Variants in CNTNAP4 observed in about 807,000 individuals in gnomAD.
The protein encoded by CNTNAP4 is contactin-associated protein-like 4.
A neutral mutation model predicts 148.4 loss-of-function variants in CNTNAP4; 98 were observed. The ratio of observed to expected loss-of-function variants is 0.66; its 90% CI spans 0.56 to 0.78. The LOEUF (loss-of-function observed/expected upper bound fraction) is 0.78. Ranked by LOEUF, CNTNAP4 falls within the 30% of genes least tolerant of loss-of-function variation. The pLI, the probability that CNTNAP4 is intolerant of heterozygous loss-of-function variation, is 0.00. For synonymous variants in CNTNAP4, 730 were observed against 565.1 expected, an observed-to-expected ratio of 1.29 and a Z score of -4.14; for missense variants, 1,935 against 1,565.6, an observed-to-expected ratio of 1.24 and a Z score of -3.98.
intron 15 of CNTNAP4, among the ~76,000 whole-genome samples, chr16:76,516,759 T>C (rs1432435899): frequency 6.6e-6 from 1 of 152,060 alleles, no homozygotes; most frequent in Non-Finnish European, 1.5e-5. Flanking sequence ...ACAATATGAG[T>C]AAATCTTCAA....
At chr16:76,373,355 T>G (rs2015067768) in intron 3 of CNTNAP4, among the ~76,000 whole-genome samples, 1 of 152,140 alleles carries the variant, frequency 6.6e-6, no homozygotes. Flanking sequence ...AGAAACATTC[T>G]TAGTCATAAA....
intron 12 of CNTNAP4, among the ~76,000 whole-genome samples, chr16:76,484,293 A>AAAAT (rs1465652912): frequency 1.3e-5 from 2 of 149,994 alleles, no homozygotes; most frequent in African/African-American, 4.9e-5. Context: ...AAAAAAAAAA[A>AAAAT]AAGACTGGAG....
chr16:76,369,316 T>C (rs575744991), intron 3 of CNTNAP4, among the ~76,000 whole-genome samples: 184 of 152,316 alleles, frequency 1.2e-3, no homozygotes, highest in African/African-American at 3.8e-3. Flanking sequence ...CCCATGGTAT[T>C]ATGGTTACTG....
At chr16:76,552,087 A>T (rs2084974098) in intron 21 of CNTNAP4, among the ~76,000 whole-genome samples, 1 of 152,228 alleles carries the variant, frequency 6.6e-6, no homozygotes, top group East Asian at 1.9e-4. Context: ...AGCAAATTAT[A>T]GGCAGAAAGC....
intron 9 of CNTNAP4, among the ~76,000 whole-genome samples, chr16:76,464,408 C>T (rs2081100321): frequency 6.6e-6 from 1 of 152,148 alleles, no homozygotes; most frequent in African/African-American, 2.4e-5. Flanking sequence ...GCTGAACGAC[C>T]TTCATCCTGG....
At position 76,521,274 on chromosome 16, in the gene CNTNAP4, T is replaced by G; in HGVS notation, c.2500T>G (p.Leu834Val). Residue 834 changes from leucine (L) to valine (V), a missense_variant, in exon 16 of 24, where the codon TTG becomes GTG. Leu to Val is a conservative substitution (Grantham distance 32). Transcript: ENST00000611870. ...TASSGVFLEN[L>V]GIADFIRIEL... ...TTCATCTGGGGTATTTTTAGAGAAC[T>G]TGGGGATTGCTGATTTTATACGGAT... The G allele has an allele frequency of 1.2e-6, 2 of 1,612,614 alleles. No individual in the cohort carries two copies. Among genetic ancestry groups the G allele is most frequent in the African/African-American group, 2.7e-5 (2 of 74,970 alleles).
chr16:76,368,872 A>C (rs1214120287), intron 3 of CNTNAP4, among the ~76,000 whole-genome samples: 1 of 152,092 alleles, frequency 6.6e-6, no homozygotes, highest in Non-Finnish European at 1.5e-5. Flanking sequence ...CTCAGTTTAC[A>C]CTCGCCCCAT....
intron 2 of CNTNAP4, among the ~76,000 whole-genome samples, chr16:76,337,192 G>A (rs1964093313): frequency 6.6e-6 from 1 of 152,162 alleles, no homozygotes; most frequent in African/African-American, 2.4e-5. Context: ...CACACACTAA[G>A]CGGTTTTTGG....
intron 4 of CNTNAP4, among the ~76,000 whole-genome samples, chr16:76,428,852 G>C (rs1200449654): frequency 6.6e-6 from 1 of 152,070 alleles, no homozygotes; most frequent in Non-Finnish European, 1.5e-5. Flanking sequence ...ATTCCAAGCA[G>C]TTTACGATTC....
intron 15 of CNTNAP4, among the ~76,000 whole-genome samples, chr16:76,506,318 G>T (rs1177848758): frequency 2.1e-5 from 2 of 93,926 alleles, no homozygotes; most frequent in Admixed American, 1.0e-4. Flanking sequence ...CAGAGACTGT[G>T]ATTCAGGGGG....
intron 2 of CNTNAP4, among the ~76,000 whole-genome samples, chr16:76,320,497 G>C (rs144002966): frequency 3.9e-5 from 6 of 152,184 alleles, no homozygotes; most frequent in African/African-American, 1.4e-4. Flanking sequence ...TTTTGCTAAA[G>C]AGATTAGTTA....
At chr16:76,549,941 G>C (rs906916108) in intron 21 of CNTNAP4, among the ~76,000 whole-genome samples, 1 of 152,186 alleles carries the variant, frequency 6.6e-6, no homozygotes, top group African/African-American at 2.4e-5. Context: ...AAAACTTTGT[G>C]TCTGCAGATT....
chr16:76,514,544 A>T (rs965308141), intron 15 of CNTNAP4, among the ~76,000 whole-genome samples: 1 of 152,108 alleles, frequency 6.6e-6, no homozygotes, highest in Non-Finnish European at 1.5e-5. Context: ...TTCACTTTCC[A>T]TTTGCCACAT....
intron 3 of CNTNAP4, among the ~76,000 whole-genome samples, chr16:76,385,867 A>C (rs1033413896): frequency 6.6e-6 from 1 of 152,164 alleles, no homozygotes; most frequent in Non-Finnish European, 1.5e-5. Flanking sequence ...CGTAAGGTGC[A>C]TGGCAGCTTT....
intron 23 of CNTNAP4, chr16:76,558,258 T>C (rs2085277573): frequency 2.4e-6 from 1 of 422,916 alleles, no homozygotes; most frequent in Non-Finnish European, 4.2e-6. Flanking sequence ...CGATATAATA[T>C]GCATTCATAA....
intron 3 of CNTNAP4, among the ~76,000 whole-genome samples, chr16:76,399,016 G>A (rs74968856): frequency 0.024 from 3,635 of 152,072 alleles, 132 homozygotes; most frequent in African/African-American, 0.081. Flanking sequence ...AAGTCTCACC[G>A]GATCTGATAG....
chr16:76,461,888 C>A, intron 8 of CNTNAP4, 68 bp from the exon 9 acceptor site: 1 of 1,371,362 alleles, frequency 7.3e-7, no homozygotes, highest in Non-Finnish European at 1.0e-6. Context: ...GTGTATATTG[C>A]TGTTTCTAAC....
chr16:76,333,583 A>G (rs148025747), intron 2 of CNTNAP4, among the ~76,000 whole-genome samples: 219 of 152,150 alleles, frequency 1.4e-3, no homozygotes, highest in African/African-American at 4.9e-3. Context: ...AGTTGATCCA[A>G]TATCATTGCT....
intron 3 of CNTNAP4, among the ~76,000 whole-genome samples, chr16:76,413,438 A>C (rs1279600979): frequency 1.3e-5 from 2 of 151,496 alleles, no homozygotes; most frequent in East Asian, 3.9e-4. Context: ...CATTGTTAAT[A>C]ATCCACTCTC....
Sources: gnomAD v4.1 joint callset for allele counts (sites outside exome capture counted in the v4.1 genomes callset) on GRCh38, gnomAD v4.1.1 for gene constraint, MANE v1.5 for transcripts, NCBI Gene and HGNC (gene_info 2026-07-23, HGNC 2026-07-21) for gene names.